NCALD: variants seen among roughly 807,000 people sequenced by gnomAD.
NCALD encodes the protein neurocalcin-delta.
A neutral mutation model predicts 18.6 loss-of-function variants in NCALD; 10 were observed. The observed-to-expected ratio is 0.54, with a 90% CI of 0.33 to 0.91. The LOEUF is 0.91. NCALD is among the 40% of genes least tolerant of loss of function. NCALD has a pLI of 0.03. For synonymous variants in NCALD, 88 were observed against 87.4 expected (o/e 1.01, Z -0.04); for missense variants, 184 against 247.6 (o/e 0.74, Z 1.72).
chr8:101,902,046 C>T (rs990104587), intron 3 of NCALD, among the ~76,000 whole-genome samples: 2 of 152,208 alleles, frequency 1.3e-5, no homozygotes, highest in Non-Finnish European at 2.9e-5. Context: ...CCACCTCAGC[C>T]TCCCAAAGTG....
intron 4 of NCALD, among the ~76,000 whole-genome samples, chr8:101,830,444 C>G (rs1814130584): frequency 6.6e-6 from 1 of 151,914 alleles, no homozygotes; most frequent in Non-Finnish European, 1.5e-5. Context: ...GCCTGTCATC[C>G]CAGCTACTCG....
intron 1 of NCALD, among the ~76,000 whole-genome samples, chr8:102,103,937 A>G (rs1309028105): frequency 1.3e-5 from 2 of 152,178 alleles, no homozygotes; most frequent in Non-Finnish European, 2.9e-5. Context: ...GTTCCAATGG[A>G]CATCTGGGAT....
chr8:101,792,345 A>G (rs1288614032), upstream of NCALD, among the ~76,000 whole-genome samples: 1 of 152,242 alleles, frequency 6.6e-6, no homozygotes, highest in Non-Finnish European at 1.5e-5. Flanking sequence ...TCACTTGGTC[A>G]TAGAATCGTC....
At chr8:101,793,815 C>A (rs145706616), upstream of NCALD, among the ~76,000 whole-genome samples, 154 of 152,258 alleles carry the variant, frequency 1.0e-3, no homozygotes, top group African/African-American at 3.5e-3. Flanking sequence ...GTCAAGGCTG[C>A]CTATTATTAG....
intron 4 of NCALD, among the ~76,000 whole-genome samples, chr8:101,851,548 T>C (rs746985199): frequency 3.9e-5 from 6 of 152,190 alleles, no homozygotes; most frequent in Non-Finnish European, 5.9e-5. Context: ...AAATAAATGA[T>C]GGCAACACAA....
chr8:101,830,100 G>A (rs566252193), intron 4 of NCALD, among the ~76,000 whole-genome samples: 1 of 151,844 alleles, frequency 6.6e-6, no homozygotes, highest in South Asian at 2.1e-4. Context: ...GGGGTGGGAT[G>A]GGGGAACTGC....
At chr8:101,741,149 C>G (rs538932336) in intron 1 of NCALD, among the ~76,000 whole-genome samples, 1 of 152,276 alleles carries the variant, frequency 6.6e-6, no homozygotes, top group African/African-American at 2.4e-5. Context: ...AGAGGAGGCA[C>G]CCGGAATTCT....
chr8:101,848,649 G>A (rs1313959044), intron 4 of NCALD, among the ~76,000 whole-genome samples: 1 of 152,058 alleles, frequency 6.6e-6, no homozygotes, highest in African/African-American at 2.4e-5. Context: ...GAAAGTTAAA[G>A]TTTCTCTAAC....
At chr8:101,827,595 C>G (rs1474938069) in intron 4 of NCALD, among the ~76,000 whole-genome samples, 2 of 152,218 alleles carry the variant, frequency 1.3e-5, no homozygotes, top group Admixed American at 1.3e-4. Context: ...ATTGCACAAC[C>G]TCAGGGATTC....
At chr8:101,783,458 GCTAAGGAGAATACC>G (rs1398982956) in intron 1 of NCALD, among the ~76,000 whole-genome samples, 1 of 152,162 alleles carries the variant, frequency 6.6e-6, no homozygotes, top group African/African-American at 2.4e-5. Flanking sequence ...ATTTTACCTG[GCTAAGGAGAATACC>G]CTAGCTTTAC....
intron 4 of NCALD, chr8:101,872,115 T>G: frequency 6.2e-7 from 1 of 1,601,684 alleles, no homozygotes. Context: ...CTTTGATAAA[T>G]TTGACATCAG....
At chr8:101,843,310 A>G (rs993216136) in intron 4 of NCALD, among the ~76,000 whole-genome samples, 2 of 152,242 alleles carry the variant, frequency 1.3e-5, no homozygotes, top group African/African-American at 2.4e-5. Flanking sequence ...GAACTTCTCA[A>G]AAATGCAAAT....
chr8:102,098,920 G>T (rs1421951328), intron 1 of NCALD, among the ~76,000 whole-genome samples: 1 of 152,206 alleles, frequency 6.6e-6, no homozygotes, highest in Non-Finnish European at 1.5e-5. Flanking sequence ...TGGTAATTTT[G>T]TCAGAGCTAC....
At chr8:102,071,692 T>G (rs903207511) in intron 1 of NCALD, among the ~76,000 whole-genome samples, 4 of 150,986 alleles carry the variant, frequency 2.6e-5, no homozygotes, top group Non-Finnish European at 5.9e-5. Flanking sequence ...ATTGTATTTC[T>G]ATATACTAGC....
In NCALD at chr8:102,082,803, C is replaced by T. The variant is rs182906842; in HGVS notation, c.-210+41434G>A. ...TCCTGGCCGTAAGAGGCTGAGCTCTCCCCCACCGCAGGGCGCAACTGTAAT... is the reference window on the plus strand; with the variant it reads ...TCCTGGCCGTAAGAGGCTGAGCTCTTCCCCACCGCAGGGCGCAACTGTAAT... On this transcript the variant is annotated intron_variant, in intron 1 of 6. Coordinates refer to the NCALD transcript ENST00000311028. Among the ~76,000 whole-genome samples, 69 of 152,310 alleles carry T rather than the reference C, an allele frequency of 4.5e-4. 2 individuals carry two copies. The highest frequency in any genetic ancestry group is 1.6e-3 in the African/African-American group (68 of 41,572).
At chr8:101,704,118 G>T (rs904752851) in intron 2 of NCALD, among the ~76,000 whole-genome samples, 3 of 152,154 alleles carry the variant, frequency 2.0e-5, no homozygotes, top group Non-Finnish European at 4.4e-5. Context: ...AATCTGAAAA[G>T]CAAGACCTGG....
Position 101,995,787 on chromosome 8 carries a change from G to A in NCALD, c.-157+24450C>T, listed in dbSNP as rs77292930. Among the ~76,000 whole-genome samples, 90 of 152,296 alleles carry A rather than the reference G, an allele frequency of 5.9e-4. 3 individuals carry two copies. In the East Asian group the frequency reaches 0.017, roughly 28 times the overall value. ...CACATATGTTCTAAATAAGGCCACAGACAAACTGATCTACCTATAACACCA... is the reference window on the plus strand; with the variant it reads ...CACATATGTTCTAAATAAGGCCACAAACAAACTGATCTACCTATAACACCA... On this transcript the variant is annotated intron_variant, in intron 2 of 6. Coordinates refer to the NCALD transcript ENST00000311028.
At chr8:101,991,319 T>A (rs577176102) in intron 2 of NCALD, among the ~76,000 whole-genome samples, 2 of 152,278 alleles carry the variant, frequency 1.3e-5, no homozygotes, top group South Asian at 2.1e-4. Context: ...ATGCTACCTG[T>A]TCCTATGAGG....
chr8:101,707,285 C>G (rs1012878356), intron 2 of NCALD, among the ~76,000 whole-genome samples: 3 of 152,132 alleles, frequency 2.0e-5, no homozygotes, highest in Admixed American at 6.5e-5. Context: ...CTCTCTGGCC[C>G]TTATTTTGAT....
Sources: gnomAD v4.1 joint callset for allele counts (sites outside exome capture counted in the v4.1 genomes callset) on GRCh38, gnomAD v4.1.1 for gene constraint, MANE v1.5 for transcripts, NCBI Gene and HGNC (gene_info 2026-07-23, HGNC 2026-07-21) for gene names.